The following ZNF618 variants were observed in gnomAD, a reference collection of about 807,000 sequenced individuals.
ZNF618 encodes the protein neural precursor cell expressed, developmentally down-regulated 10.
A neutral mutation model predicts 103.0 loss-of-function variants in ZNF618; 34 were observed. That is an observed-to-expected ratio of 0.33 (90% CI 0.25 to 0.44). The LOEUF is 0.44. ZNF618 is among the 20% of genes least tolerant of loss of function. The pLI is 1.00. For missense variants in ZNF618, 1,059 were observed against 1,295.4 expected (o/e 0.82, Z 2.80); for synonymous variants, 551 against 542.2 (o/e 1.02, Z -0.23).
At chr9:113,885,137 G>A (rs1485948898) in intron 1 of ZNF618, among the ~76,000 whole-genome samples, 1 of 152,160 alleles carries the variant, frequency 6.6e-6, no homozygotes, top group Non-Finnish European at 1.5e-5. Flanking sequence ...AGCTGGATTG[G>A]ATGGTGTCTC....
At chr9:113,916,740 T>C (rs553359040) in intron 1 of ZNF618, among the ~76,000 whole-genome samples, 1 of 152,298 alleles carries the variant, frequency 6.6e-6, no homozygotes, top group East Asian at 1.9e-4. Flanking sequence ...TTGCAAGGTG[T>C]GTATCCTTCA....
In ZNF618 at chr9:113,988,536, A is replaced by C; in HGVS notation, c.293A>C (p.Glu98Ala). 3 of 1,612,220 alleles carry C rather than the reference A, an allele frequency of 1.9e-6. No homozygotes were observed. The highest frequency in any genetic ancestry group is 2.5e-6 in the Non-Finnish European group (3 of 1,179,716). ...GATGGGACCAGCGACGTGCCTGCCG[A>C]GATCTGCGTGGTGATCGGCGGCGTC... ...SKDGTSDVPA[E>A]ICVVIGGVRN... Residue 98 changes from glutamate to alanine, a missense_variant, in exon 3 of 15, where the codon GAG (glutamate) becomes GCG (alanine). Transcript: ENST00000374126.
chr9:113,988,765 T>G (rs1839737165), intron 3 of ZNF618, among the ~76,000 whole-genome samples, 185 bp downstream of exon 3: 1 of 152,228 alleles, frequency 6.6e-6, no homozygotes, highest in South Asian at 2.1e-4. Flanking sequence ...AGTTTCCGGC[T>G]GGAGAGCGCT....
At chr9:113,937,166 A>G (rs972446246) in intron 1 of ZNF618, among the ~76,000 whole-genome samples, 1 of 152,244 alleles carries the variant, frequency 6.6e-6, no homozygotes, top group African/African-American at 2.4e-5. Flanking sequence ...AAGTTTTAAG[A>G]ATAAGAATAC....
chr9:114,056,189 C>A lies in ZNF618; in HGVS notation c.*6022C>A, dbSNP rs1394132797. On this transcript the variant is annotated 3_prime_UTR_variant, in exon 15 of 15. Transcript: ENST00000374126. ...GTTTGTCCTTTGGGTTTTTGTTTCA[C>A]TTTGTTTTGGTGCCGTTTCTCCATT... is the stretch of plus-strand genomic sequence containing the variant. 6.6e-6 allele frequency: 1 copy of A among 152,056 alleles called. No individual in the cohort carries two copies. Among genetic ancestry groups the A allele is most frequent in the African/African-American group, 2.4e-5 (1 of 41,350 alleles). 9.4% of individuals were successfully genotyped at this position (152,056 alleles called of 1,614,324 possible).
rs201990522 is a variant in ZNF618, at chr9:114,040,779, C to T, written c.1246+4402C>T. On this transcript the variant is annotated intron_variant, in intron 13 of 14. Transcript: ENST00000374126. ...AAGTCTTTGCTATTGTGAATAGTGC[C>T]GCAATAAACATACGTGTGCATGTGT... Among the ~76,000 whole-genome samples the T allele has an allele frequency of 1.4e-3, 219 of 152,100 alleles. 4 individuals carry two copies. The East Asian group carries it at 0.032, about 22-fold the overall frequency.
At chr9:113,951,356 G>A (rs1835551346) in intron 1 of ZNF618, among the ~76,000 whole-genome samples, 1 of 109,256 alleles carries the variant, frequency 9.2e-6, no homozygotes, top group Non-Finnish European at 2.1e-5. Flanking sequence ...TTGTGAATAG[G>A]GACCTTTTAC....
At chr9:113,996,894 G>A (rs770363928) in intron 3 of ZNF618, among the ~76,000 whole-genome samples, 16 of 152,172 alleles carry the variant, frequency 1.1e-4, no homozygotes, top group Non-Finnish European at 1.5e-5. Context: ...GGTGGCAGTA[G>A]CATGGCTCTG....
At chr9:113,899,795 A>G (rs1830356227) in intron 1 of ZNF618, among the ~76,000 whole-genome samples, 1 of 152,338 alleles carries the variant, frequency 6.6e-6, no homozygotes, top group South Asian at 2.1e-4. Flanking sequence ...GTGTTGTAGC[A>G]CATGGCAGGT....
intron 2 of ZNF618, among the ~76,000 whole-genome samples, chr9:113,984,259 CGTG>C (rs1564254209): frequency 6.6e-6 from 1 of 152,160 alleles, no homozygotes; most frequent in Non-Finnish European, 1.5e-5. Context: ...GCAAGGAAGA[CGTG>C]GCATTCAGAG....
chr9:114,016,632 C>T (rs535962864), intron 9 of ZNF618, 63 bp from the exon 10 acceptor site: 35 of 1,351,698 alleles, frequency 2.6e-5, no homozygotes, highest in African/African-American at 2.6e-4. Flanking sequence ...GGTGGGAGCA[C>T]GCTGATGCTT....
intron 1 of ZNF618, among the ~76,000 whole-genome samples, chr9:113,936,059 A>T (rs1418449299): frequency 6.6e-6 from 1 of 151,636 alleles, no homozygotes; most frequent in Non-Finnish European, 1.5e-5. Context: ...GGCTCATGTG[A>T]TCCTCCTGCT....
intron 10 of ZNF618, among the ~76,000 whole-genome samples, chr9:114,018,967 G>A (rs1224846036): frequency 2.6e-5 from 4 of 152,208 alleles, no homozygotes; most frequent in African/African-American, 9.6e-5. Flanking sequence ...ACTTCTTGTG[G>A]AGGCAGGGGC....
At position 113,959,026 on chromosome 9, in the gene ZNF618, T is replaced by G. The variant is rs1367322463; in HGVS notation, c.34-10091T>G. On this transcript the variant is annotated intron_variant, in intron 1 of 14. Coordinates refer to ENST00000374126, the MANE Select transcript of ZNF618 (RefSeq NM_001318042.2). ...GTTTTAGGCCGGGCGCGGTGGCTCA[T>G]GCCTGTAAATCCCAGCACTTTGGGA... is the stretch of plus-strand genomic sequence containing the variant. Among the ~76,000 whole-genome samples, 2 of 152,228 alleles carry G rather than the reference T, an allele frequency of 1.3e-5. 1 individual carries two copies. The highest frequency in any genetic ancestry group is 4.1e-4 in the South Asian group (2 of 4,832).
At chr9:113,979,984 G>C (rs1838832290) in intron 2 of ZNF618, among the ~76,000 whole-genome samples, 1 of 152,164 alleles carries the variant, frequency 6.6e-6, no homozygotes, top group South Asian at 2.1e-4. Context: ...GGAGAAAGGG[G>C]GGGTGGCTTG....
chr9:114,036,768 C>A (rs1844650482), intron 13 of ZNF618, among the ~76,000 whole-genome samples: 1 of 152,204 alleles, frequency 6.6e-6, no homozygotes, highest in Non-Finnish European at 1.5e-5. Flanking sequence ...GATGGAGAGA[C>A]ATGCAGCCCA....
chr9:113,962,806 C>A (rs1418702940), intron 1 of ZNF618, among the ~76,000 whole-genome samples: 1 of 152,176 alleles, frequency 6.6e-6, no homozygotes, highest in Non-Finnish European at 1.5e-5. Context: ...TCATGACTCC[C>A]CCGCCTCCCC....
At chr9:113,983,972 T>G (rs1234882990) in intron 2 of ZNF618, among the ~76,000 whole-genome samples, 2 of 152,146 alleles carry the variant, frequency 1.3e-5, no homozygotes, top group African/African-American at 4.8e-5. Context: ...GGTATCCTTT[T>G]GGTCATTCAG....
intron 9 of ZNF618, among the ~76,000 whole-genome samples, chr9:114,014,580 C>T (rs557977847): frequency 4.6e-5 from 7 of 152,190 alleles, no homozygotes; most frequent in Admixed American, 2.0e-4. Context: ...AATGACAGTA[C>T]GAGAAAATAT....
Sources: gnomAD v4.1 joint callset for allele counts (sites outside exome capture counted in the v4.1 genomes callset) on GRCh38, gnomAD v4.1.1 for gene constraint, MANE v1.5 for transcripts, NCBI Gene and HGNC (gene_info 2026-07-23, HGNC 2026-07-21) for gene names.